SLC17A5: variants seen among roughly 807,000 people sequenced by gnomAD.
SLC17A5 encodes solute carrier family 17 member 5.
Under a neutral mutation model 59.4 loss-of-function variants are expected in SLC17A5, and 47 were observed. The ratio of observed to expected loss-of-function variants is 0.79; its 90% CI spans 0.63 to 1.01. SLC17A5 has a LOEUF of 1.01. Among genes scored for constraint, SLC17A5 ranks in the 50% least tolerant of loss-of-function variants. The pLI is 0.00. For missense variants in SLC17A5, 522 were observed against 595.5 expected, an observed-to-expected ratio of 0.88 and a Z score of 1.28; for synonymous variants, 202 against 210.7, an observed-to-expected ratio of 0.96 and a Z score of 0.36.
intron 1 of SLC17A5, among the ~76,000 whole-genome samples, chr6:73,648,382 C>T (rs1175550582): frequency 2.0e-5 from 3 of 152,242 alleles, no homozygotes; most frequent in Non-Finnish European, 2.9e-5. Flanking sequence ...AAACAAACAT[C>T]AGCTTCTAAA....
intron 1 of SLC17A5, among the ~76,000 whole-genome samples, chr6:73,646,156 A>G (rs1420725793): frequency 6.6e-6 from 1 of 152,224 alleles, no homozygotes; most frequent in Non-Finnish European, 1.5e-5. Flanking sequence ...TGACACATCA[A>G]CATCATATAA....
chr6:73,618,492 A>G (rs1231630335), intron 7 of SLC17A5: 2 of 493,888 alleles, frequency 4.0e-6, no homozygotes, highest in Non-Finnish European at 7.6e-6. Flanking sequence ...TTACTCATGC[A>G]CAAACAGTAG....
chr6:73,632,196 G>T (rs960585751), intron 6 of SLC17A5, among the ~76,000 whole-genome samples: 13 of 149,234 alleles, frequency 8.7e-5, no homozygotes, highest in African/African-American at 3.3e-4. Flanking sequence ...CTACTCGAGA[G>T]GCTGAGGTGG....
intron 9 of SLC17A5, among the ~76,000 whole-genome samples, chr6:73,610,038 G>GTT (rs755622577): frequency 2.1e-5 from 3 of 144,968 alleles, no homozygotes; most frequent in East Asian, 2.0e-4. Context: ...ATTTTATCAG[G>GTT]TTTTTTTTTT....
At position 73,610,394 on chromosome 6, in the gene SLC17A5, A is replaced by T; in HGVS notation, c.1259+6T>A. Reference sequence around the variant, plus strand: ...AATCACAGCAAATCTTTATATTAGTACTCACGAAGGAGCAATATCCAGATG... The same window carrying T: ...AATCACAGCAAATCTTTATATTAGTTCTCACGAAGGAGCAATATCCAGATG... On this transcript the variant is annotated splice_donor_region_variant and intron_variant, in intron 9 of 10. Transcript: ENST00000355773. 1 of 1,613,708 alleles carries T rather than the reference A, an allele frequency of 6.2e-7. No individual in the cohort carries two copies. Among genetic ancestry groups the T allele is most frequent in the Non-Finnish European group, 8.5e-7 (1 of 1,179,724 alleles).
At chr6:73,620,580 G>A (rs506262) in intron 7 of SLC17A5, among the ~76,000 whole-genome samples, 16,258 of 152,238 alleles carry the variant, frequency 0.11, 1,050 homozygotes, top group Middle Eastern at 0.18. Context: ...TTAGCTGCCT[G>A]AAGTTTTAAG....
intron 6 of SLC17A5, among the ~76,000 whole-genome samples, chr6:73,625,122 A>G (rs780160109): frequency 3.0e-4 from 45 of 152,104 alleles, no homozygotes; most frequent in Non-Finnish European, 5.4e-4. Flanking sequence ...GGCCTTTTTC[A>G]TATGGACTTT....
chr6:73,610,350 A>T (rs571881427), intron 9 of SLC17A5, 50 bp downstream of exon 9: 1 of 1,604,674 alleles, frequency 6.2e-7, no homozygotes, highest in Non-Finnish European at 8.5e-7. Context: ...CAGGATTTTT[A>T]AAAATATAAT....
intron 1 of SLC17A5, among the ~76,000 whole-genome samples, chr6:73,645,725 T>C (rs1713936923): frequency 6.8e-6 from 1 of 148,048 alleles, no homozygotes; most frequent in Admixed American, 6.9e-5. Flanking sequence ...GAGGCGGAGC[T>C]TGCAGCGAGA....
In SLC17A5 at chr6:73,650,276, G is replaced by A. The variant is rs532585917; in HGVS notation, c.94+3517C>T. On this transcript the variant is annotated intron_variant, in intron 1 of 10. Transcript: ENST00000355773. ...TGTAATCCCAGCACTCTGGGAGGCC[G>A]AGGCAGGTGGATCACGTGGTCAGGA... Among the ~76,000 whole-genome samples, 8 of 151,398 alleles carry A rather than the reference G, an allele frequency of 5.3e-5. No individual in the cohort carries two copies. In the South Asian group the frequency reaches 1.2e-3, roughly 24 times the overall value.
chr6:73,647,806 G>C (rs564064831), intron 1 of SLC17A5, among the ~76,000 whole-genome samples: 2 of 152,212 alleles, frequency 1.3e-5, no homozygotes, highest in African/African-American at 4.8e-5. Flanking sequence ...GGTGGCTCAC[G>C]CCTGTAATCC....
chr6:73,601,015 A>G (rs1417103462), intron 9 of SLC17A5, among the ~76,000 whole-genome samples: 1 of 145,368 alleles, frequency 6.9e-6, no homozygotes, highest in Non-Finnish European at 1.5e-5. Flanking sequence ...TCGTCTGGGA[A>G]GTGAGGAGAC....
chr6:73,643,079 A>G (rs944542247), intron 2 of SLC17A5, among the ~76,000 whole-genome samples: 4 of 152,160 alleles, frequency 2.6e-5, no homozygotes, highest in African/African-American at 9.7e-5. Context: ...TGTGAATGAT[A>G]GAGGAGATTC....
At chr6:73,601,995 A>G (rs1581955467) in intron 9 of SLC17A5, among the ~76,000 whole-genome samples, 1 of 152,168 alleles carries the variant, frequency 6.6e-6, no homozygotes, top group East Asian at 1.9e-4. Flanking sequence ...GTGGAATAGA[A>G]AGGGGGGAAA....
chr6:73,595,342 C>G (rs763914025), intron 10 of SLC17A5, 128 bp from the exon 11 acceptor site: 2 of 965,082 alleles, frequency 2.1e-6, no homozygotes, highest in African/African-American at 1.6e-5. Context: ...TTGAAACAAC[C>G]CAAATGTCCA....
rs1200903024 is a variant in SLC17A5, at chr6:73,636,565, CT to C, written c.700+55del. 10 of 975,256 alleles carry C rather than the reference CT, an allele frequency of 1.0e-5. No homozygotes were observed. The South Asian group carries it at 1.3e-4, about 13-fold the overall frequency. The allele number at this position is 975,256 out of a possible 1,614,324, so 60.4% of individuals were successfully genotyped here. A position where few individuals can be genotyped will look rare whatever the true frequency, so the allele number is the denominator to read the frequency against. ...ATATTTTTAAAACATTATTAGGCTA[CT>C]ATTATTACATTTTGAATTTGTTACA... On this transcript the variant is annotated intron_variant, in intron 5 of 10. Transcript: ENST00000355773.
chr6:73,629,353 CTGCACTCCAGCCTAGGCAA>C (rs1768587676), intron 6 of SLC17A5, among the ~76,000 whole-genome samples: 1 of 152,170 alleles, frequency 6.6e-6, no homozygotes, highest in Non-Finnish European at 1.5e-5. Flanking sequence ...GATCATGCTA[CTGCACTCCAGCCTAGGCAA>C]CAGAACCAGA....
At chr6:73,644,321 T>C (rs888788889) in intron 2 of SLC17A5, 86 bp downstream of exon 2, 1 of 1,056,602 alleles carries the variant, frequency 9.5e-7, no homozygotes, top group Non-Finnish European at 1.4e-6. Context: ...GTATAGTTTC[T>C]GTAGGATGAA....
chr6:73,615,423 A>G lies in SLC17A5; in HGVS notation c.1003T>C (p.Tyr335His). ...QENGFLSSLP[Y>H]LGSWLCMILS... ...ATCATACATAACCAAGAGCCTAAAT[A>G]AGGCAATGAAGATAAAAACCCATTC... Residue 335 changes from tyrosine (Y) to histidine (H), a missense_variant, in exon 8 of 11, where the codon TAT (tyrosine) becomes CAT (histidine). Physicochemically the swap from Tyr to His is moderately conservative, Grantham distance 83. Transcript: ENST00000355773. 1 of 1,614,072 alleles carries G rather than the reference A, an allele frequency of 6.2e-7. No homozygotes were observed. The highest frequency in any genetic ancestry group is 8.5e-7 in the Non-Finnish European group (1 of 1,179,952).
Sources: allele counts gnomAD v4.1 joint callset (sites outside exome capture counted in the v4.1 genomes callset), GRCh38; gene constraint gnomAD v4.1.1; transcripts MANE v1.5; gene names NCBI Gene and HGNC (gene_info 2026-07-23, HGNC 2026-07-21).